Variants in LRRC38 observed in about 807,000 individuals in gnomAD.
LRRC38 encodes the protein leucine rich repeat containing 38, also known as leucine-rich repeat-containing protein 38.
A neutral mutation model predicts 16.4 loss-of-function variants in LRRC38; 5 were observed. That is an observed-to-expected ratio of 0.31 (90% CI 0.16 to 0.64). The LOEUF is 0.64. Among genes scored for constraint, LRRC38 ranks in the 30% least tolerant of loss-of-function variants. The pLI is 0.80. For missense variants in LRRC38, 341 were observed against 401.8 expected (o/e 0.85, Z 1.29); for synonymous variants, 191 against 190.2 (o/e 1.00, Z -0.04).
At chr1:13,508,458 C>T (rs773308374) in intron 1 of LRRC38, among the ~76,000 whole-genome samples, 2 of 152,082 alleles carry the variant, frequency 1.3e-5, no homozygotes, top group Non-Finnish European at 2.9e-5. Flanking sequence ...TTAAATCCTC[C>T]GACAACTGTA....
At chr1:13,506,289 G>A (rs1325371828) in intron 1 of LRRC38, among the ~76,000 whole-genome samples, 2 of 152,018 alleles carry the variant, frequency 1.3e-5, no homozygotes, top group African/African-American at 2.4e-5. Context: ...ATGGACCTGC[G>A]GCATCACAGC....
At chr1:13,499,127 TACTC>T (rs2100513283) in intron 1 of LRRC38, among the ~76,000 whole-genome samples, 1 of 152,244 alleles carries the variant, frequency 6.6e-6, no homozygotes, top group South Asian at 2.1e-4. Flanking sequence ...GACAGAGTCT[TACTC>T]TATCACCCAG....
intron 1 of LRRC38, among the ~76,000 whole-genome samples, chr1:13,488,022 TTGTGTGTGTTTGTGTG>T (rs1316488280): frequency 8.4e-5 from 8 of 95,790 alleles, no homozygotes; most frequent in African/African-American, 3.3e-4. Context: ...CTTTTCTAGA[TTGTGTGTGTTTGTGTG>T]TGTGTGTGTG....
At chr1:13,485,024 T>C (rs1365010000) in intron 1 of LRRC38, among the ~76,000 whole-genome samples, 1 of 152,078 alleles carries the variant, frequency 6.6e-6, no homozygotes, top group Non-Finnish European at 1.5e-5. Context: ...ACGCCTGTAA[T>C]CCCAGCACTT....
rs531221054 is a variant in LRRC38, at chr1:13,500,656, C to T, written c.631+12307G>A. Among the ~76,000 whole-genome samples the T allele has an allele frequency of 7.2e-5, 11 of 152,280 alleles. No individual in the cohort carries two copies. The South Asian group carries it at 1.9e-3, about 26-fold the overall frequency. On this transcript the variant is annotated intron_variant, in intron 1 of 1. Coordinates refer to ENST00000376085, the MANE Select transcript of LRRC38 (RefSeq NM_001010847.2). ...AAATGTATAAAACCAAGCTGTGCCC[C>T]GACCACCTTAGGCCCATGTCTTCAG...
intron 1 of LRRC38, among the ~76,000 whole-genome samples, chr1:13,502,662 C>T (rs1478833135): frequency 1.3e-5 from 2 of 152,206 alleles, no homozygotes; most frequent in African/African-American, 4.8e-5. Context: ...CACAAGCCCT[C>T]CTCATTTGCA....
At chr1:13,493,204 G>A (rs558173109) in intron 1 of LRRC38, among the ~76,000 whole-genome samples, 2 of 152,254 alleles carry the variant, frequency 1.3e-5, no homozygotes, top group African/African-American at 4.8e-5. Flanking sequence ...AGCAGCAGGG[G>A]CCAGGGAAGA....
At chr1:13,486,319 C>A (rs747818008) in intron 1 of LRRC38, among the ~76,000 whole-genome samples, 13 of 152,148 alleles carry the variant, frequency 8.5e-5, no homozygotes, top group Non-Finnish European at 1.9e-4. Flanking sequence ...GACAGTCCTA[C>A]CCTCAGTCCA....
chr1:13,513,378 G>C lies in LRRC38; in HGVS notation c.216C>G (p.Pro72=). Residue 72 remains proline, a synonymous_variant, in exon 1 of 2, where the codon CCC becomes CCG. Coordinates refer to ENST00000376085, the MANE Select transcript of LRRC38 (RefSeq NM_001010847.2). ...LVAGNRIQRI[P]EDFFIFYGDL... ...CGCCGTAGAAGATGAAGAAGTCCTC[G>C]GGGATCCGCTGGATGCGGTTGCCGG... The C allele has an allele frequency of 1.3e-6, 2 of 1,550,740 alleles. No individual in the cohort carries two copies. The highest frequency in any genetic ancestry group is 1.2e-5 in the South Asian group (1 of 84,064).
intron 1 of LRRC38, among the ~76,000 whole-genome samples, chr1:13,477,837 G>C (rs1308884224): frequency 6.6e-6 from 1 of 152,148 alleles, no homozygotes; most frequent in African/African-American, 2.4e-5. Context: ...AAGAAATGTT[G>C]GGAAAGAGCT....
chr1:13,475,894 G>C lies in LRRC38; in HGVS notation c.837C>G (p.Cys279Trp), dbSNP rs202178891. ...CATCCTCCGCATCTTTGTTGGGTGC[G>C]CACCTCTGGAGGCACTGCACCACAG... ...LATVVQCLQR[C>W]APNKDAEDED... Residue 279 changes from cysteine (C) to tryptophan (W), a missense_variant, in exon 2 of 2, where the codon TGC becomes TGG. Coordinates refer to ENST00000376085, the MANE Select transcript of LRRC38 (RefSeq NM_001010847.2). The surrounding 1 kb of genome is among the most constrained non-coding windows in gnomAD (Gnocchi z 4.3). 6.4e-7 allele frequency: 1 copy of C among 1,550,470 alleles called. No individual in the cohort carries two copies. The highest frequency in any genetic ancestry group is 2.0e-5 in the Admixed American group (1 of 50,982).
At chr1:13,505,344 C>T (rs952385977) in intron 1 of LRRC38, among the ~76,000 whole-genome samples, 3 of 152,258 alleles carry the variant, frequency 2.0e-5, no homozygotes, top group Non-Finnish European at 4.4e-5. Flanking sequence ...ATCACAACAA[C>T]CCAACCTAGG....
chr1:13,508,035 G>C (rs1219107807), intron 1 of LRRC38, among the ~76,000 whole-genome samples: 2 of 152,122 alleles, frequency 1.3e-5, no homozygotes, highest in African/African-American at 4.8e-5. Context: ...TCAGGAGTTC[G>C]AGATCAGCTT....
intron 1 of LRRC38, among the ~76,000 whole-genome samples, chr1:13,481,984 T>C (rs1354067245): frequency 6.6e-6 from 1 of 152,160 alleles, no homozygotes; most frequent in Non-Finnish European, 1.5e-5. Context: ...TATGGTGTTT[T>C]CTTATGGCAG....
At chr1:13,510,759 G>C (rs146813663) in intron 1 of LRRC38, among the ~76,000 whole-genome samples, 1 of 152,154 alleles carries the variant, frequency 6.6e-6, no homozygotes, top group Non-Finnish European at 1.5e-5. Flanking sequence ...CAGCAAGCAC[G>C]GCAGAGGACA....
At chr1:13,488,032 T>TGTGTGTGTG in intron 1 of LRRC38, among the ~76,000 whole-genome samples, 1 of 147,206 alleles carries the variant, frequency 6.8e-6, no homozygotes, top group Admixed American at 6.8e-5. Flanking sequence ...TTGTGTGTGT[T>TGTGTGTGTG]TGTGTGTGTG....
chr1:13,486,438 C>T (rs759918647), intron 1 of LRRC38, among the ~76,000 whole-genome samples: 4 of 152,068 alleles, frequency 2.6e-5, no homozygotes, highest in Admixed American at 6.6e-5. Flanking sequence ...CACGCCTTTT[C>T]GGGGGATACA....
chr1:13,482,352 G>A (rs1638879937), intron 1 of LRRC38, among the ~76,000 whole-genome samples: 1 of 152,000 alleles, frequency 6.6e-6, no homozygotes, highest in Admixed American at 6.6e-5. Flanking sequence ...TGAGGCGGGT[G>A]GATCGCCTGA....
At chr1:13,486,828 C>T (rs372506923) in intron 1 of LRRC38, among the ~76,000 whole-genome samples, 68 of 152,212 alleles carry the variant, frequency 4.5e-4, no homozygotes, top group African/African-American at 1.5e-3. Flanking sequence ...CAGACTCAAG[C>T]GATCCACCTG....
Sources: allele counts gnomAD v4.1 joint callset (sites outside exome capture counted in the v4.1 genomes callset), GRCh38; gene constraint gnomAD v4.1.1; non-coding constraint Gnocchi (gnomAD v3.1); transcripts MANE v1.5; gene names NCBI Gene and HGNC (gene_info 2026-07-23, HGNC 2026-07-21).